Variants in ZNF676 observed in about 807,000 individuals in gnomAD.
The protein encoded by ZNF676 is zinc finger protein 676.
Under a neutral mutation model 6.0 loss-of-function variants are expected in ZNF676, and 4 were observed. The ratio of observed to expected loss-of-function variants is 0.67; its 90% CI spans 0.33 to 1.53. The LOEUF (loss-of-function observed/expected upper bound fraction) is 1.53, where lower values mean the gene tolerates loss of function less well. Among genes scored for constraint, ZNF676 ranks in the 40% most tolerant of loss-of-function variants. The pLI, the probability that ZNF676 is intolerant of heterozygous loss-of-function variation, is 0.06. For missense variants in ZNF676, 644 were observed against 679.7 expected (o/e 0.95, Z 0.58); for synonymous variants, 198 against 223.1 (o/e 0.89, Z 1.00).
chr19:22,221,920 T>C, the ZNF676 span, among the ~76,000 whole-genome samples: 1 of 152,054 alleles, frequency 6.6e-6, no homozygotes, highest in Non-Finnish European at 1.5e-5. Context: ...TTGTTTTTTG[T>C]TTGTTTGTTT....
At chr19:22,210,569 T>C (rs969489847) in intron 1 of ZNF676, among the ~76,000 whole-genome samples, 9 of 152,176 alleles carry the variant, frequency 5.9e-5, no homozygotes, top group Non-Finnish European at 1.2e-4. Flanking sequence ...ATGAAGCATA[T>C]AGATAACAAA....
chr19:22,180,962 G>T lies in ZNF676; in HGVS notation c.755C>A (p.Pro252His). 1 of 1,600,840 alleles carries T rather than the reference G, an allele frequency of 6.2e-7. No homozygotes were observed. Reference protein sequence around the residue: ...KHKIIHTGEKPYKCEECGKGF... With the variant: ...KHKIIHTGEKHYKCEECGKGF... ...TTTGCCACATTCTTCACATTTGTAGGGTTTCTCTCCAGTATGAATTATCTT... is the reference window on the plus strand; with the variant it reads ...TTTGCCACATTCTTCACATTTGTAGTGTTTCTCTCCAGTATGAATTATCTT... The change falls in exon 3 of 3, where the codon CCC (proline) becomes CAC (histidine). Residue 252 changes from proline to histidine, a missense_variant. By Grantham distance (77) the Pro-to-His change is moderately conservative. Coordinates refer to ENST00000397121, the MANE Select transcript of ZNF676 (RefSeq NM_001001411.3).
chr19:22,220,263 A>G (rs983661278), upstream of ZNF676, among the ~76,000 whole-genome samples: 2 of 152,140 alleles, frequency 1.3e-5, no homozygotes, highest in Admixed American at 6.5e-5. Flanking sequence ...CATCAGGAAC[A>G]TTGGTGTGTA....
At chr19:22,232,751 C>G in the ZNF676 span, among the ~76,000 whole-genome samples, 11 of 150,392 alleles carry the variant, frequency 7.3e-5, no homozygotes, top group African/African-American at 2.4e-4. Context: ...CAGTATGAAA[C>G]AATAATAGAA....
chr19:22,195,395 G>C (rs2023956740), intron 1 of ZNF676, among the ~76,000 whole-genome samples: 1 of 152,192 alleles, frequency 6.6e-6, no homozygotes, highest in Non-Finnish European at 1.5e-5. Context: ...GCCTTGGGCT[G>C]CCACCCCTGC....
chr19:22,198,299 T>C (rs180876439), upstream of ZNF676, among the ~76,000 whole-genome samples: 33 of 152,290 alleles, frequency 2.2e-4, no homozygotes, highest in Non-Finnish European at 4.3e-4. Context: ...GCATGGCATA[T>C]AAGAAGCCAT....
chr19:22,194,662 C>T (rs2023948427), intron 1 of ZNF676, among the ~76,000 whole-genome samples: 1 of 152,078 alleles, frequency 6.6e-6, no homozygotes, highest in Non-Finnish European at 1.5e-5. Flanking sequence ...AATCACTGGG[C>T]TGTAACAATG....
At chr19:22,224,120 G>C in the ZNF676 span, among the ~76,000 whole-genome samples, 12 of 149,490 alleles carry the variant, frequency 8.0e-5, no homozygotes, top group Non-Finnish European at 1.3e-4. Flanking sequence ...CCTTCCATGA[G>C]TACACAGACA....
intron 1 of ZNF676, among the ~76,000 whole-genome samples, chr19:22,204,952 G>A (rs2024062046): frequency 6.6e-6 from 1 of 152,004 alleles, no homozygotes; most frequent in African/African-American, 2.4e-5. Flanking sequence ...AAATCAGCAA[G>A]TTATCCACCC....
chr19:22,243,411 CCTT>C, the ZNF676 span: 1 of 152,010 alleles, frequency 6.6e-6, no homozygotes, highest in Admixed American at 6.5e-5. Flanking sequence ...TTGTCAAAAT[CCTT>C]CTTTTGAGCA....
intron 1 of ZNF676, among the ~76,000 whole-genome samples, chr19:22,202,456 T>C (rs1304908438): frequency 2.0e-5 from 3 of 152,146 alleles, no homozygotes; most frequent in African/African-American, 7.2e-5. Flanking sequence ...ACTGGAAGCC[T>C]GAGTGGAAAA....
At chr19:22,215,626 A>G in intron 1 of ZNF676, 4 of 1,610,310 alleles carry the variant, frequency 2.5e-6, no homozygotes, top group Non-Finnish European at 3.4e-6. Context: ...GACCCGGCAC[A>G]CTCACCATTT....
chr19:22,254,741 A>G, the ZNF676 span, among the ~76,000 whole-genome samples: 2 of 152,186 alleles, frequency 1.3e-5, no homozygotes, highest in East Asian at 3.9e-4. Flanking sequence ...ACATATCACA[A>G]TCTGTTCTTG....
the ZNF676 span, among the ~76,000 whole-genome samples, chr19:22,227,562 G>T: frequency 6.6e-6 from 1 of 151,894 alleles, no homozygotes; most frequent in South Asian, 2.1e-4. Context: ...AAAAATTAAT[G>T]ATTCCAGGAG....
At chr19:22,187,116 G>C (rs1191810969) in intron 2 of ZNF676, among the ~76,000 whole-genome samples, 7 of 152,084 alleles carry the variant, frequency 4.6e-5, no homozygotes, top group Non-Finnish European at 8.8e-5. Flanking sequence ...CCACATAATT[G>C]GAAGTAAAAC....
chr19:22,257,116 A>G, the ZNF676 span, among the ~76,000 whole-genome samples: 1 of 152,138 alleles, frequency 6.6e-6, no homozygotes, highest in African/African-American at 2.4e-5. Flanking sequence ...ATATGTTGCA[A>G]TCTTCCTTGA....
chr19:22,222,582 G>T, the ZNF676 span, among the ~76,000 whole-genome samples: 2 of 152,154 alleles, frequency 1.3e-5, no homozygotes, highest in Admixed American at 1.3e-4. Flanking sequence ...GGACAATATA[G>T]TTTTGCATTG....
the ZNF676 span, among the ~76,000 whole-genome samples, chr19:22,256,277 A>T: frequency 1.1e-3 from 165 of 152,336 alleles, no homozygotes; most frequent in Non-Finnish European, 1.8e-3. Context: ...TGAGTAGGAG[A>T]GTCACATCAC....
the ZNF676 span, among the ~76,000 whole-genome samples, chr19:22,239,314 T>G: frequency 6.6e-6 from 1 of 150,478 alleles, no homozygotes; most frequent in Non-Finnish European, 1.5e-5. Context: ...TAGCTAGGAC[T>G]ACAGGCACCC....
Sources: gnomAD v4.1 joint callset for allele counts (sites outside exome capture counted in the v4.1 genomes callset) on GRCh38, gnomAD v4.1.1 for gene constraint, MANE v1.5 for transcripts, NCBI Gene and HGNC (gene_info 2026-07-23, HGNC 2026-07-21) for gene names.